Variants in MCM3AP observed in about 807,000 individuals in gnomAD.
The protein encoded by MCM3AP is germinal-center associated nuclear protein.
A neutral mutation model predicts 184.1 loss-of-function variants in MCM3AP; 126 were observed. The ratio of observed to expected loss-of-function variants is 0.68; its 90% CI spans 0.59 to 0.79. The LOEUF (loss-of-function observed/expected upper bound fraction) is 0.79, where lower values mean the gene tolerates loss of function less well. Among genes scored for constraint, MCM3AP ranks in the 30% least tolerant of loss-of-function variants. The probability of loss-of-function intolerance (pLI) is 0.00; values close to 1 mark genes in which losing one functional copy is unlikely to be tolerated. For missense variants in MCM3AP, 2,496 were observed against 2,479.2 expected, an observed-to-expected ratio of 1.01 and a Z score of -0.14; for synonymous variants, 1,002 against 979.3, an observed-to-expected ratio of 1.02 and a Z score of -0.43.
chr21:46,271,581 C>G (rs893683129), intron 8 of MCM3AP, among the ~76,000 whole-genome samples: 1 of 151,702 alleles, frequency 6.6e-6, no homozygotes, highest in South Asian at 2.1e-4. Flanking sequence ...TAAAATCAGC[C>G]GGGCATGGAG....
chr21:46,257,354 G>C (rs188345406), intron 16 of MCM3AP, among the ~76,000 whole-genome samples: 154 of 151,666 alleles, frequency 1.0e-3, no homozygotes, highest in African/African-American at 3.6e-3. Flanking sequence ...GGGCGACTGT[G>C]GTCCCAGCTA....
At chr21:46,259,708 C>T (rs956573710) in intron 15 of MCM3AP, among the ~76,000 whole-genome samples, 2 of 151,758 alleles carry the variant, frequency 1.3e-5, no homozygotes, top group Non-Finnish European at 2.9e-5. Flanking sequence ...GTCAGGAGAT[C>T]GAGACTATCC....
chr21:46,286,006 G>A (rs890843178), upstream of MCM3AP: 1 of 152,302 alleles, frequency 6.6e-6, no homozygotes, highest in Admixed American at 6.5e-5. Flanking sequence ...GGCCCAGGCC[G>A]GCCTGGCCAC....
intron 9 of MCM3AP, among the ~76,000 whole-genome samples, chr21:46,268,578 G>A (rs1250001387): frequency 6.6e-6 from 1 of 152,236 alleles, no homozygotes; most frequent in Admixed American, 6.5e-5. Flanking sequence ...CCTCAGGGAG[G>A]TGGAGACAGC....
intron 13 of MCM3AP, among the ~76,000 whole-genome samples, chr21:46,262,910 G>C (rs1296553264): frequency 1.4e-5 from 2 of 139,914 alleles, no homozygotes; most frequent in Non-Finnish European, 3.0e-5. Context: ...GGAGCCTGCA[G>C]TGAGCCGAGA....
At position 46,265,951 on chromosome 21, in the gene MCM3AP, G is replaced by A; in HGVS notation, c.3005C>T (p.Thr1002Ile). 6.3e-7 allele frequency: 1 copy of A among 1,594,662 alleles called. No individual in the cohort carries two copies. Among genetic ancestry groups the A allele is most frequent in the Non-Finnish European group, 8.6e-7 (1 of 1,168,010 alleles). The change falls in exon 11 of 28, where the codon ACC (threonine) becomes ATC (isoleucine). Residue 1002 changes from threonine (T) to isoleucine (I), a missense_variant. By Grantham distance (89) the Thr-to-Ile change is moderately conservative. Transcript: ENST00000291688. Reference protein sequence around the residue: ...ESLAAELPVSTQRPGSDTVGG... With the variant: ...ESLAAELPVSIQRPGSDTVGG... ...CACTGTGTCGGAGCCGGGTCTCTGG[G>A]TGCTGACGGGCAGCTCCGCGGCCAG...
rs1394925528 is a variant in MCM3AP at position 46,265,304 on chromosome 21, A to G, written c.3234+17T>C. ...TGGGCTTCCCAGAGTCCAGACCTAGAAAAAAAGAGTCCCTACCTCGTCAGA... is the reference window on the plus strand; with the variant it reads ...TGGGCTTCCCAGAGTCCAGACCTAGGAAAAAAGAGTCCCTACCTCGTCAGA... On this transcript the variant is annotated intron_variant, in intron 12 of 27. Transcript: ENST00000291688. The G allele has an allele frequency of 3.1e-6, 5 of 1,610,364 alleles. No individual in the cohort carries two copies. The African/African-American group carries it at 5.3e-5, about 17-fold the overall frequency.
chr21:46,284,762 A>C lies in MCM3AP; in HGVS notation c.525T>G (p.Phe175Leu). The change falls in exon 1 of 28, where the codon TTT becomes TTG. Residue 175 changes from phenylalanine to leucine, a missense_variant. Physicochemically the swap from Phe to Leu is conservative, Grantham distance 22 (BLOSUM62 0). This residue lies in a region of MCM3AP where 800 missense variants were observed against 717.1 expected (regional missense o/e 1.12). Transcript: ENST00000291688. ...EKTQSQIASGFFTFSHPISSA... is the reference protein window; with the variant it reads ...EKTQSQIASGLFTFSHPISSA... ...TACTAATTGGGTGGGAAAATGTAAA[A>C]AACCCAGAAGCAATTTGGCTCTGGG... 1.2e-6 allele frequency: 2 copies of C among 1,613,766 alleles called. No individual in the cohort carries two copies. The highest frequency in any genetic ancestry group is 1.7e-6 in the Non-Finnish European group (2 of 1,179,976).
chr21:46,246,459 T>C (rs1271663407), intron 21 of MCM3AP, 55 bp from the exon 22 acceptor site: 1 of 1,361,998 alleles, frequency 7.3e-7, no homozygotes, highest in South Asian at 1.2e-5. Context: ...GCACACCTGC[T>C]AACATATCTC....
Position 46,284,769 on chromosome 21 carries a change from G to A in MCM3AP, c.518C>T (p.Ser173Phe). Residue 173 changes from serine (S) to phenylalanine (F), a missense_variant, in exon 1 of 28, where the codon TCT becomes TTT. Around this residue, in one of 5 missense-constraint regions of MCM3AP, gnomAD observed 800 missense variants for 717.1 expected, o/e 1.12. Coordinates refer to ENST00000291688, the MANE Select transcript of MCM3AP (RefSeq NM_003906.5). The stretch of plus-strand genomic sequence containing the variant: ...TGGGTGGGAAAATGTAAAAAACCCA[G>A]AAGCAATTTGGCTCTGGGTTTTCTC... Reference protein sequence around the residue: ...EPEKTQSQIASGFFTFSHPIS... With the variant: ...EPEKTQSQIAFGFFTFSHPIS... 6.2e-7 allele frequency: 1 copy of A among 1,613,702 alleles called. No homozygotes were observed. The highest frequency in any genetic ancestry group is 8.5e-7 in the Non-Finnish European group (1 of 1,179,948).
In MCM3AP at chr21:46,266,009, A is replaced by G. The variant is rs1225293320; in HGVS notation, c.2947T>C (p.Phe983Leu). ...CCGATGTACTTGTTCTGGGAGTTGA[A>G]GCTGCACACAGGGGTATGACGAGGG... ...PVPRHTPVCS[F>L]NSQNKYIGES... is the part of the protein sequence containing the mutation. The change falls in exon 11 of 28, where the codon TTC (phenylalanine) becomes CTC (leucine). Residue 983 changes from phenylalanine (F) to leucine (L), a missense_variant. Physicochemically the swap from Phe to Leu is conservative, Grantham distance 22 (BLOSUM62 0). Around this residue, in one of 5 missense-constraint regions of MCM3AP, gnomAD observed 1,323 missense variants for 1,273.4 expected, o/e 1.04. Coordinates refer to ENST00000291688, the MANE Select transcript of MCM3AP (RefSeq NM_003906.5). 9.9e-6 allele frequency: 16 copies of G among 1,610,080 alleles called. No individual in the cohort carries two copies. The highest frequency in any genetic ancestry group is 1.4e-5 in the Non-Finnish European group (16 of 1,178,008).
rs566880432 is a variant in MCM3AP, at chr21:46,284,553, G to A, written c.734C>T (p.Ser245Phe). 2.5e-6 allele frequency: 4 copies of A among 1,614,172 alleles called. No individual in the cohort carries two copies. The African/African-American group carries it at 4.0e-5, about 16-fold the overall frequency. The change falls in exon 1 of 28, where the codon TCT becomes TTT. Residue 245 changes from serine (S) to phenylalanine (F), a missense_variant. Physicochemically the swap from Ser to Phe is radical, Grantham distance 155 (BLOSUM62 -2). Transcript: ENST00000291688. ...KRGPKSIFGS[S>F]NNSFSSFPVS... ...AGGGAAGCTACTGAAGCTATTATTA[G>A]AACTTCCAAATATTGACTTAGGTCC...
intron 26 of MCM3AP, 108 bp from the exon 27 acceptor site, chr21:46,237,087 A>T: frequency 2.1e-6 from 1 of 471,966 alleles, no homozygotes; most frequent in Admixed American, 4.8e-5. Context: ...TTGCTTTTTT[A>T]AAATTTTATA....
chr21:46,242,103 A>C (rs1397453863), intron 25 of MCM3AP: 1 of 152,334 alleles, frequency 6.6e-6, no homozygotes, highest in African/African-American at 2.4e-5. Context: ...TCTTGGACTG[A>C]CAACTGTACT....
intron 15 of MCM3AP, among the ~76,000 whole-genome samples, chr21:46,259,744 C>G (rs1308754085): frequency 6.6e-6 from 1 of 151,890 alleles, no homozygotes; most frequent in Non-Finnish European, 1.5e-5. Context: ...AACCCCGTCT[C>G]TACTAAAAAT....
At chr21:46,275,948 T>A (rs1289132328) in intron 5 of MCM3AP, among the ~76,000 whole-genome samples, 1 of 152,280 alleles carries the variant, frequency 6.6e-6, no homozygotes, top group Admixed American at 6.5e-5. Flanking sequence ...ATTGTTTTCA[T>A]GTTGAAAAAT....
At chr21:46,259,694 C>T (rs987340780) in intron 15 of MCM3AP, among the ~76,000 whole-genome samples, 15 of 151,828 alleles carry the variant, frequency 9.9e-5, no homozygotes, top group Middle Eastern at 3.5e-3. Flanking sequence ...AGGCGGATCA[C>T]GAGGTCAGGA....
At chr21:46,265,859 C>G (rs2081104814) in intron 11 of MCM3AP, 66 bp downstream of exon 11, 1 of 1,495,756 alleles carries the variant, frequency 6.7e-7, no homozygotes. Context: ...GATGCCCAGG[C>G]TCCTGGGAGG....
Position 46,260,864 on chromosome 21 carries a change from C to A in MCM3AP, c.3510G>T (p.Gln1170His), listed in dbSNP as rs147505610. ...GTTCCATCAGCTCCACGGCCAGGCC[C>A]TGGCTCAGCTCACTTAACACCAGCT... ...ERELVLSELS[Q>H]GLAVELMERV... Residue 1170 changes from glutamine to histidine, a missense_variant, in exon 15 of 28, where the codon CAG becomes CAT. Transcript: ENST00000291688. 5.1e-4 allele frequency: 826 copies of A among 1,614,160 alleles called. 11 individuals carry two copies. The South Asian group carries it at 8.3e-3, about 16-fold the overall frequency.
Sources: allele counts gnomAD v4.1 joint callset (sites outside exome capture counted in the v4.1 genomes callset), GRCh38; gene constraint gnomAD v4.1.1; regional missense constraint gnomAD v4.1.1; transcripts MANE v1.5; gene names NCBI Gene and HGNC (gene_info 2026-07-23, HGNC 2026-07-21).